GPC6: variants seen among roughly 807,000 people sequenced by gnomAD.
The protein encoded by GPC6 is glypican-6.
GPC6 carries 14 observed loss-of-function variants against 55.2 expected under a neutral mutation model. That is an observed-to-expected ratio of 0.25 (90% CI 0.17 to 0.40). The LOEUF (loss-of-function observed/expected upper bound fraction) is 0.40. GPC6 is among the 10% of genes least tolerant of loss of function. The probability of loss-of-function intolerance (pLI) is 1.00; values close to 1 mark genes in which losing one functional copy is unlikely to be tolerated. For synonymous variants in GPC6, 278 were observed against 259.6 expected (o/e 1.07, Z -0.68); for missense variants, 641 against 708.5 (o/e 0.90, Z 1.08).
At chr13:93,393,125 TATAGAGAGAGAGAGAG>T (rs1224709354) in intron 1 of GPC6, among the ~76,000 whole-genome samples, 8 of 96,736 alleles carry the variant, frequency 8.3e-5, no homozygotes, top group Non-Finnish European at 1.3e-4. Context: ...TATATATATA[TATAGAGAGAGAGAGAG>T]AGAGAGAGAG....
chr13:93,457,106 C>G (rs2139309726), intron 1 of GPC6, among the ~76,000 whole-genome samples: 1 of 152,232 alleles, frequency 6.6e-6, no homozygotes, highest in East Asian at 1.9e-4. Context: ...TGAGGCCTCC[C>G]CAGTCATGTA....
chr13:94,355,577 A>T (rs1878756399), intron 6 of GPC6, among the ~76,000 whole-genome samples: 1 of 152,204 alleles, frequency 6.6e-6, no homozygotes, highest in South Asian at 2.1e-4. Context: ...TGAGGAAATG[A>T]AATGATGAAA....
At chr13:94,193,584 A>T (rs928789807) in intron 4 of GPC6, among the ~76,000 whole-genome samples, 1 of 152,100 alleles carries the variant, frequency 6.6e-6, no homozygotes, top group Admixed American at 6.5e-5. Context: ...GAATACGAAA[A>T]CAGAACGTGG....
At chr13:93,906,134 C>A (rs1419316380) in intron 3 of GPC6, among the ~76,000 whole-genome samples, 1 of 152,050 alleles carries the variant, frequency 6.6e-6, no homozygotes, top group African/African-American at 2.4e-5. Flanking sequence ...GGCTCCTGGA[C>A]CCACAAAAAG....
At chr13:94,028,240 G>A (rs979900808) in intron 4 of GPC6, among the ~76,000 whole-genome samples, 3 of 151,982 alleles carry the variant, frequency 2.0e-5, no homozygotes, top group Non-Finnish European at 4.4e-5. Flanking sequence ...ACTCCAGCCT[G>A]GGTGACAGAG....
intron 4 of GPC6, among the ~76,000 whole-genome samples, chr13:94,106,918 A>C (rs1311960318): frequency 6.6e-6 from 1 of 152,152 alleles, no homozygotes; most frequent in Non-Finnish European, 1.5e-5. Flanking sequence ...GGAAAGCATA[A>C]GTAGTGGGTT....
intron 3 of GPC6, among the ~76,000 whole-genome samples, chr13:93,863,822 G>A (rs1888884380): frequency 6.6e-6 from 1 of 151,582 alleles, no homozygotes; most frequent in South Asian, 2.1e-4. Context: ...TATTAAATTG[G>A]GATCAACTAT....
At chr13:93,388,180 C>T (rs987433658) in intron 1 of GPC6, among the ~76,000 whole-genome samples, 7 of 152,202 alleles carry the variant, frequency 4.6e-5, no homozygotes, top group Admixed American at 3.3e-4. Flanking sequence ...AAACCTAGGG[C>T]TTCTTGGCTC....
chr13:93,707,823 C>T (rs1594388595), intron 2 of GPC6, among the ~76,000 whole-genome samples: 1 of 151,780 alleles, frequency 6.6e-6, no homozygotes, highest in South Asian at 2.1e-4. Flanking sequence ...TAAAGATGTC[C>T]ATATCACAGT....
At chr13:93,845,026 C>T (rs1376156159) in intron 3 of GPC6, among the ~76,000 whole-genome samples, 1 of 151,874 alleles carries the variant, frequency 6.6e-6, no homozygotes, top group African/African-American at 2.4e-5. Flanking sequence ...GTACCAGTAC[C>T]ATGCTGTTTT....
At chr13:94,387,245 C>T (rs971929015) in intron 7 of GPC6, among the ~76,000 whole-genome samples, 1 of 152,202 alleles carries the variant, frequency 6.6e-6, no homozygotes, top group Non-Finnish European at 1.5e-5. Context: ...TCTGACAGAT[C>T]TCACTCTGCC....
chr13:94,219,711 C>A (rs1890326047), intron 4 of GPC6, among the ~76,000 whole-genome samples: 1 of 152,152 alleles, frequency 6.6e-6, no homozygotes, highest in Non-Finnish European at 1.5e-5. Flanking sequence ...GGAGCAGACA[C>A]AAATCTGCCT....
chr13:94,172,873 A>G (rs1449776790), intron 4 of GPC6, among the ~76,000 whole-genome samples: 1 of 152,210 alleles, frequency 6.6e-6, no homozygotes, highest in Non-Finnish European at 1.5e-5. Flanking sequence ...TAAAGTTCAG[A>G]TAGACACTGC....
At chr13:93,698,712 T>A (rs922664446) in intron 2 of GPC6, among the ~76,000 whole-genome samples, 1 of 152,144 alleles carries the variant, frequency 6.6e-6, no homozygotes, top group South Asian at 2.1e-4. Context: ...TTTTATTTAT[T>A]TACTTACTCA....
chr13:94,248,407 TA>T (rs1386402055), intron 4 of GPC6, among the ~76,000 whole-genome samples: 2 of 152,134 alleles, frequency 1.3e-5, no homozygotes. Flanking sequence ...GATAAAAATT[TA>T]AAGTAACCAA....
chr13:94,313,143 G>A (rs757537865), intron 6 of GPC6, among the ~76,000 whole-genome samples: 8 of 152,102 alleles, frequency 5.3e-5, no homozygotes, highest in South Asian at 4.1e-4. Flanking sequence ...GCTCTTCTCC[G>A]GGCAACATCA....
chr13:93,702,500 C>T (rs1882707406), intron 2 of GPC6, among the ~76,000 whole-genome samples: 1 of 152,090 alleles, frequency 6.6e-6, no homozygotes, highest in African/African-American at 2.4e-5. Flanking sequence ...TCATTAGCCC[C>T]TAATGAGGGA....
chr13:93,391,845 A>G (rs1444426506), intron 1 of GPC6, among the ~76,000 whole-genome samples: 2 of 152,064 alleles, frequency 1.3e-5, no homozygotes, highest in African/African-American at 2.4e-5. Flanking sequence ...TTTAATATAT[A>G]TATTTTGCTT....
chr13:93,571,727 G>A (rs1009898703), intron 2 of GPC6, among the ~76,000 whole-genome samples: 1 of 152,062 alleles, frequency 6.6e-6, no homozygotes, highest in Non-Finnish European at 1.5e-5. Flanking sequence ...TTTGAAGGTC[G>A]TGATAACCTC....
Sources: gnomAD v4.1 joint callset for allele counts (sites outside exome capture counted in the v4.1 genomes callset) on GRCh38, gnomAD v4.1.1 for gene constraint, MANE v1.5 for transcripts, NCBI Gene and HGNC (gene_info 2026-07-23, HGNC 2026-07-21) for gene names.